HTD2: variants seen among roughly 807,000 people sequenced by gnomAD.
HTD2 encodes hydroxyacyl-thioester dehydratase type 2.
A neutral mutation model predicts 3.1 loss-of-function variants in HTD2; 1 was observed. The observed-to-expected ratio is 0.32, with a 90% CI of 0.11 to 1.52. The LOEUF (loss-of-function observed/expected upper bound fraction) is 1.52. Ranked by LOEUF, HTD2 falls within the 40% of genes most tolerant of loss-of-function variation. The pLI is 0.39. For missense variants in HTD2, 150 were observed against 79.6 expected (o/e 1.88, Z -3.36); for synonymous variants, 50 against 28.9 (o/e 1.73, Z -2.34).
At position 58,310,621 on chromosome 3, in the gene HTD2, C is replaced by G. The variant is rs572213115; in HGVS notation, c.-331+30C>G. ...GGAATCACTTGGTAGATTGAACATT[C>G]CAAAGATCTTTGTAAGAAATACAGA... On this transcript the variant is annotated intron_variant, in intron 2 of 4. Coordinates refer to ENST00000461393, the MANE Select transcript of HTD2 (RefSeq NM_001348712.2). 1.4e-5 allele frequency: 22 copies of G among 1,562,482 alleles called. No homozygotes were observed. In the Admixed American group the frequency reaches 1.9e-4, roughly 14 times the overall value.
rs2097490690 is a variant in HTD2 at position 58,318,442 on chromosome 3, G to A, written c.*322G>A. On this transcript the variant is annotated 3_prime_UTR_variant, in exon 5 of 5. Coordinates refer to ENST00000461393, the MANE Select transcript of HTD2 (RefSeq NM_001348712.2). Reference sequence around the variant, plus strand: ...GGAGGCTGCGGCAGGCGGATCACTTGAGGTCAGGAGTCCAAGACCAGCCTG... The same window carrying A: ...GGAGGCTGCGGCAGGCGGATCACTTAAGGTCAGGAGTCCAAGACCAGCCTG... The A allele has an allele frequency of 5.8e-6, 1 of 172,298 alleles. No homozygotes were observed. The highest frequency in any genetic ancestry group is 1.6e-4 in the East Asian group (1 of 6,344). 10.7% of individuals were successfully genotyped at this position (172,298 alleles called of 1,614,324 possible).
intron 2 of HTD2, among the ~76,000 whole-genome samples, chr3:58,313,469 A>G (rs2097484652): frequency 6.6e-6 from 1 of 152,238 alleles, no homozygotes; most frequent in African/African-American, 2.4e-5. Context: ...AGTCTGTCAA[A>G]TCAAAATATG....
chr3:58,307,702 C>G (rs907116824), intron 1 of HTD2: 2 of 152,194 alleles, frequency 1.3e-5, no homozygotes, highest in Admixed American at 6.5e-5. Context: ...AAACAAACAA[C>G]AAGACTGACT....
chr3:58,316,708 G>C (rs1425220527), intron 3 of HTD2, 117 bp downstream of exon 3: 5 of 1,023,990 alleles, frequency 4.9e-6, no homozygotes, highest in Non-Finnish European at 7.5e-6. Context: ...GCAGCTTTTG[G>C]GAATTTAAAC....
chr3:58,311,378 C>A (rs1445182547), intron 2 of HTD2, among the ~76,000 whole-genome samples: 1 of 152,220 alleles, frequency 6.6e-6, no homozygotes, highest in Non-Finnish European at 1.5e-5. Flanking sequence ...TGGTCTTGAA[C>A]TCCTGACCTC....
chr3:58,308,798 A>G (rs1396291864), intron 1 of HTD2, among the ~76,000 whole-genome samples: 1 of 152,168 alleles, frequency 6.6e-6, no homozygotes, highest in Non-Finnish European at 1.5e-5. Flanking sequence ...AGACAGTGTT[A>G]AGAGATTGCA....
At chr3:58,311,504 C>T (rs4336087) in intron 2 of HTD2, among the ~76,000 whole-genome samples, 16,380 of 152,202 alleles carry the variant, frequency 0.11, 1,178 homozygotes, top group African/African-American at 0.19. Context: ...CAACAGTTGT[C>T]TTTCTGTGCC....
chr3:58,316,887 A>C, intron 3 of HTD2, 28 bp from the exon 4 acceptor site: 2 of 1,565,950 alleles, frequency 1.3e-6, no homozygotes, highest in Middle Eastern at 3.4e-4. Flanking sequence ...TCTATGACAC[A>C]CTATGTATTT....
chr3:58,314,516 A>G (rs533404686), intron 2 of HTD2, among the ~76,000 whole-genome samples: 2 of 152,284 alleles, frequency 1.3e-5, no homozygotes, highest in African/African-American at 2.4e-5. Context: ...GGAAATGCAC[A>G]TTAATGACAC....
Position 58,319,126 on chromosome 3 carries a change from G to A in HTD2, c.*1006G>A, listed in dbSNP as rs1455162210. On this transcript the variant is annotated 3_prime_UTR_variant, in exon 5 of 5. Transcript: ENST00000461393. ...TAACTGTGTAACAATTATTGAAGGC[G>A]AAAATAGAAGTTGGGTCATCTTTGA... 1 of 152,172 alleles carries A rather than the reference G, an allele frequency of 6.6e-6. No individual in the cohort carries two copies. The highest frequency in any genetic ancestry group is 2.4e-5 in the African/African-American group (1 of 41,448). 9.4% of individuals were successfully genotyped at this position (152,172 alleles called of 1,614,324 possible).
In HTD2 at chr3:58,319,735, T is replaced by G. The variant is rs1384703563; in HGVS notation, c.*1615T>G. ...CAGGGAGGTTATATTGAAGGGGAGA[T>G]GTGCCTAACATGTTACTACTAAATG... On this transcript the variant is annotated 3_prime_UTR_variant, in exon 5 of 5. Transcript: ENST00000461393. The G allele has an allele frequency of 6.6e-6, 1 of 152,016 alleles. No individual in the cohort carries two copies. Among genetic ancestry groups the G allele is most frequent in the African/African-American group, 2.4e-5 (1 of 41,398 alleles). 9.4% of individuals were successfully genotyped at this position (152,016 alleles called of 1,614,324 possible).
rs1045557671 is a variant in HTD2 at position 58,319,314 on chromosome 3, A to G, written c.*1194A>G. The G allele has an allele frequency of 6.6e-6, 1 of 152,220 alleles. No individual in the cohort carries two copies. Among genetic ancestry groups the G allele is most frequent in the Non-Finnish European group, 1.5e-5 (1 of 68,044 alleles). 9.4% of individuals were successfully genotyped at this position (152,220 alleles called of 1,614,324 possible). On this transcript the variant is annotated 3_prime_UTR_variant, in exon 5 of 5. Transcript: ENST00000461393. ...TGTGCATCCTCGGTCTCAGTTATGT[A>G]AACGGTCTGATCTGTAAAATAGTGG...
At chr3:58,306,252 C>T (rs1278391699), upstream of HTD2, 2 of 152,238 alleles carry the variant, frequency 1.3e-5, no homozygotes, top group African/African-American at 2.4e-5. Context: ...GTCATATCCG[C>T]CTGGGCGTCA....
Sources: gnomAD v4.1 joint callset for allele counts (sites outside exome capture counted in the v4.1 genomes callset) on GRCh38, gnomAD v4.1.1 for gene constraint, MANE v1.5 for transcripts, NCBI Gene and HGNC (gene_info 2026-07-23, HGNC 2026-07-21) for gene names.